The following PTH2R variants were observed in gnomAD, a reference collection of about 807,000 sequenced individuals.
PTH2R encodes the protein parathyroid hormone 2 receptor.
Under a neutral mutation model 60.3 loss-of-function variants are expected in PTH2R, and 59 were observed. That is an observed-to-expected ratio of 0.98 (90% CI 0.79 to 1.22). The LOEUF is 1.22. PTH2R is among the 50% of genes most tolerant of loss of function. PTH2R has a pLI of 0.00. For missense variants in PTH2R, 749 were observed against 682.6 expected (o/e 1.10, Z -1.08); for synonymous variants, 256 against 243.8 (o/e 1.05, Z -0.47).
intron 2 of PTH2R, among the ~76,000 whole-genome samples, chr2:208,434,964 T>C (rs1000275041): frequency 6.6e-6 from 1 of 152,194 alleles, no homozygotes; most frequent in Non-Finnish European, 1.5e-5. Context: ...GGGCTTTTAT[T>C]ATGTGAGCAA....
In PTH2R at chr2:208,397,576, G is replaced by C. The variant is rs561968160; in HGVS notation, c.-258-30625G>C. Among the ~76,000 whole-genome samples the C allele has an allele frequency of 2.3e-3, 352 of 152,106 alleles. 1 individual carries two copies. Among genetic ancestry groups the C allele is most frequent in the African/African-American group, 8.1e-3 (335 of 41,488 alleles). Reference sequence around the variant, plus strand: ...GCTCCCTCTGTACAGAGATAGAGGTGGGGGGGCTCTAAGCTGAAAGAGGGA... The same window carrying C: ...GCTCCCTCTGTACAGAGATAGAGGTCGGGGGGCTCTAAGCTGAAAGAGGGA... On this transcript the variant is annotated intron_variant, in intron 1 of 12. Transcript: ENST00000617735.
chr2:208,379,860 GAA>G (rs199776824), intron 1 of PTH2R, among the ~76,000 whole-genome samples: 7 of 137,188 alleles, frequency 5.1e-5, no homozygotes, highest in Non-Finnish European at 4.8e-5. Context: ...ACTCTGTCTT[GAA>G]AAAAAAAAAA....
At chr2:208,415,704 A>G (rs975446385) in intron 1 of PTH2R, among the ~76,000 whole-genome samples, 2 of 152,214 alleles carry the variant, frequency 1.3e-5, no homozygotes, top group African/African-American at 4.8e-5. Flanking sequence ...TTAAGCAATC[A>G]TTACAGTATT....
In PTH2R at chr2:208,388,092, G is replaced by A. The variant is rs569459765; in HGVS notation, c.-259+27855G>A. On this transcript the variant is annotated intron_variant, in intron 1 of 12. Coordinates refer to the PTH2R transcript ENST00000617735. ...TGGGAGGCCGAGGTGGGCGGATCAC[G>A]AGGTCAGGAGATCAAGACCATTCTG... Among the ~76,000 whole-genome samples the A allele has an allele frequency of 7.9e-5, 12 of 151,126 alleles. No individual in the cohort carries two copies. In the South Asian group the frequency reaches 2.3e-3, roughly 29 times the overall value.
intron 9 of PTH2R, chr2:208,466,387 G>A (rs1400386623): frequency 2.0e-5 from 3 of 152,390 alleles, no homozygotes; most frequent in African/African-American, 7.2e-5. Context: ...CTGTGCTCTG[G>A]ATGTGTTGAT....
At chr2:208,429,281 C>A (rs1358596470) in intron 2 of PTH2R, among the ~76,000 whole-genome samples, 1 of 151,530 alleles carries the variant, frequency 6.6e-6, no homozygotes, top group Non-Finnish European at 1.5e-5. Flanking sequence ...ATGTGCTTGA[C>A]CTATTATTTT....
chr2:208,421,444 G>A (rs558141835), intron 1 of PTH2R, among the ~76,000 whole-genome samples: 1 of 151,840 alleles, frequency 6.6e-6, no homozygotes, highest in Non-Finnish European at 1.5e-5. Context: ...TATTTATGAT[G>A]TATATCTTAC....
At chr2:208,487,239 T>A (rs1334333860) in intron 10 of PTH2R, among the ~76,000 whole-genome samples, 1 of 152,140 alleles carries the variant, frequency 6.6e-6, no homozygotes, top group East Asian at 1.9e-4. Flanking sequence ...TAAAACTAAA[T>A]CACACTCACA....
intron 10 of PTH2R, among the ~76,000 whole-genome samples, chr2:208,482,043 G>T (rs560667195): frequency 1.3e-5 from 2 of 152,246 alleles, no homozygotes; most frequent in Admixed American, 1.3e-4. Flanking sequence ...CTAGTAATCA[G>T]GTAGATGTGG....
At chr2:208,434,627 G>A (rs1490622926) in intron 2 of PTH2R, among the ~76,000 whole-genome samples, 2 of 152,006 alleles carry the variant, frequency 1.3e-5, no homozygotes, top group African/African-American at 4.8e-5. Flanking sequence ...CATTTTGGAG[G>A]GATATCTAAT....
intron 1 of PTH2R, among the ~76,000 whole-genome samples, chr2:208,368,579 A>G (rs551967690): frequency 4.6e-5 from 7 of 152,056 alleles, no homozygotes; most frequent in African/African-American, 1.4e-4. Flanking sequence ...TGCTTGTTCC[A>G]ATCTTTCAAA....
At chr2:208,472,278 A>G (rs1273746119) in intron 9 of PTH2R, among the ~76,000 whole-genome samples, 1 of 152,130 alleles carries the variant, frequency 6.6e-6, no homozygotes, top group Non-Finnish European at 1.5e-5. Flanking sequence ...CAGGGGTGGA[A>G]TGATACCTAA....
intron 1 of PTH2R, among the ~76,000 whole-genome samples, chr2:208,422,892 C>A (rs1701785079): frequency 6.6e-6 from 1 of 152,124 alleles, no homozygotes; most frequent in South Asian, 2.1e-4. Flanking sequence ...TGTAGCCAAA[C>A]CCCCTTCCTT....
intron 9 of PTH2R, among the ~76,000 whole-genome samples, chr2:208,469,193 T>A (rs1702823993): frequency 6.6e-6 from 1 of 152,258 alleles, no homozygotes; most frequent in Non-Finnish European, 1.5e-5. Context: ...TCCATTTATA[T>A]AGCTATGTGC....
At chr2:208,427,362 T>TA (rs1701877036) in intron 1 of PTH2R, among the ~76,000 whole-genome samples, 1 of 152,336 alleles carries the variant, frequency 6.6e-6, no homozygotes, top group Admixed American at 6.5e-5. Flanking sequence ...CTCTTTTTGA[T>TA]ATGTGAGATT....
At chr2:208,481,522 T>C (rs1329320514) in intron 10 of PTH2R, among the ~76,000 whole-genome samples, 1 of 152,156 alleles carries the variant, frequency 6.6e-6, no homozygotes, top group Non-Finnish European at 1.5e-5. Context: ...TTGGTTACTA[T>C]TTAAGTAAAG....
chr2:208,467,267 TTTC>T (rs1248192297), intron 9 of PTH2R, among the ~76,000 whole-genome samples: 1 of 152,196 alleles, frequency 6.6e-6, no homozygotes, highest in Admixed American at 6.5e-5. Flanking sequence ...CAAGTTTTCT[TTTC>T]TTTTCTTTTT....
At chr2:208,429,021 G>A (rs559881105) in intron 2 of PTH2R, among the ~76,000 whole-genome samples, 41 of 151,444 alleles carry the variant, frequency 2.7e-4, no homozygotes, top group Admixed American at 7.9e-4. Context: ...GGAGGTGGAG[G>A]TTGCGGTGAG....
intron 1 of PTH2R, among the ~76,000 whole-genome samples, chr2:208,369,095 C>G (rs1289656897): frequency 6.6e-6 from 1 of 152,096 alleles, no homozygotes; most frequent in East Asian, 1.9e-4. Flanking sequence ...TTGGCTTGAC[C>G]AGCACCCATG....
Sources: allele counts gnomAD v4.1 joint callset (sites outside exome capture counted in the v4.1 genomes callset), GRCh38; gene constraint gnomAD v4.1.1; transcripts MANE v1.5; gene names NCBI Gene and HGNC (gene_info 2026-07-23, HGNC 2026-07-21).